MYO3B: variants seen among roughly 807,000 people sequenced by gnomAD.
MYO3B encodes the protein myosin-IIIb.
Under a neutral mutation model 174.6 loss-of-function variants are expected in MYO3B, and 156 were observed. That is an observed-to-expected ratio of 0.89 (90% confidence interval 0.78 to 1.02). The LOEUF is 1.02. MYO3B is among the 50% of genes least tolerant of loss of function. The pLI is 0.00. For missense variants in MYO3B, 1,632 were observed against 1,639.4 expected, an observed-to-expected ratio of 1.00 and a Z score of 0.08; for synonymous variants, 563 against 569.1, an observed-to-expected ratio of 0.99 and a Z score of 0.15.
chr2:170,441,053 G>A (rs2094797497), intron 22 of MYO3B, among the ~76,000 whole-genome samples: 1 of 152,090 alleles, frequency 6.6e-6, no homozygotes. Flanking sequence ...ACCCGCCTCG[G>A]CCTCCCAAAG....
At chr2:170,611,136 G>T (rs898307279) in intron 32 of MYO3B, among the ~76,000 whole-genome samples, 2 of 152,102 alleles carry the variant, frequency 1.3e-5, no homozygotes, top group African/African-American at 4.8e-5. Flanking sequence ...AACAAACCAT[G>T]TTCTGAGATG....
At chr2:170,343,030 A>AACACACACACAC (rs56221872) in intron 8 of MYO3B, among the ~76,000 whole-genome samples, 16 of 136,012 alleles carry the variant, frequency 1.2e-4, no homozygotes, top group East Asian at 4.3e-4. Context: ...TCGGGCCTCT[A>AACACACACACAC]ACACACACAC....
intron 10 of MYO3B, chr2:170,382,347 C>A: frequency 2.7e-6 from 1 of 366,630 alleles, no homozygotes; most frequent in East Asian, 3.8e-5. Flanking sequence ...TGCAATAAAG[C>A]TCTTTATATT....
chr2:170,635,907 G>C (rs1349650007), intron 32 of MYO3B, among the ~76,000 whole-genome samples: 2 of 152,060 alleles, frequency 1.3e-5, no homozygotes, highest in Non-Finnish European at 2.9e-5. Flanking sequence ...ACATTTCCTT[G>C]TACAAATTAC....
intron 10 of MYO3B, 82 bp from the exon 11 acceptor site, chr2:170,382,991 A>G: frequency 1.2e-6 from 1 of 854,390 alleles, no homozygotes; most frequent in Non-Finnish European, 1.9e-6. Flanking sequence ...TGTTCTTGGA[A>G]GAATAAATTT....
intron 8 of MYO3B, among the ~76,000 whole-genome samples, chr2:170,338,996 A>G (rs571826163): frequency 6.6e-6 from 1 of 152,344 alleles, no homozygotes; most frequent in East Asian, 1.9e-4. Flanking sequence ...AATGCTGTGC[A>G]TTATATTTAT....
chr2:170,601,882 T>C lies in MYO3B; in HGVS notation c.3734-49746T>C. The C allele has an allele frequency of 7.0e-6, 6 of 851,972 alleles. No individual in the cohort carries two copies. In the South Asian group the frequency reaches 7.9e-5, roughly 11 times the overall value. The allele number at this position is 851,972 out of a possible 1,614,324, so 52.8% of individuals were successfully genotyped here. A position where few individuals can be genotyped will look rare whatever the true frequency, so the allele number is the denominator to read the frequency against. ...ATCGCTAATAGGCAGGCCAGGATGC[T>C]CTCCTTTGATTTTTGGGCAATACTC... On this transcript the variant is annotated intron_variant, in intron 32 of 34. Coordinates refer to ENST00000408978, the MANE Select transcript of MYO3B (RefSeq NM_138995.5).
chr2:170,524,684 A>G (rs1688892739), intron 30 of MYO3B: 3 of 327,088 alleles, frequency 9.2e-6, no homozygotes, highest in South Asian at 2.3e-5. Context: ...GGGTTTTACC[A>G]TGTTGGTCAG....
At chr2:170,286,242 GCT>G (rs1449663432) in intron 7 of MYO3B, among the ~76,000 whole-genome samples, 1 of 152,144 alleles carries the variant, frequency 6.6e-6, no homozygotes, top group Non-Finnish European at 1.5e-5. Context: ...TTTCTCCGTT[GCT>G]CTGTTTTATC....
chr2:170,578,266 A>C (rs897164301), intron 32 of MYO3B, among the ~76,000 whole-genome samples: 5 of 152,232 alleles, frequency 3.3e-5, no homozygotes, highest in Non-Finnish European at 5.9e-5. Flanking sequence ...TGGAGACCTG[A>C]GGGACATTGT....
intron 7 of MYO3B, among the ~76,000 whole-genome samples, chr2:170,265,794 G>A (rs73010706): frequency 0.013 from 1,899 of 151,848 alleles, 33 homozygotes; most frequent in African/African-American, 0.042. Flanking sequence ...CTATTTCTTG[G>A]CTCATTCTAA....
intron 32 of MYO3B, among the ~76,000 whole-genome samples, chr2:170,580,496 G>A (rs899811396): frequency 6.6e-6 from 1 of 152,066 alleles, no homozygotes; most frequent in Non-Finnish European, 1.5e-5. Flanking sequence ...AAATCAGCTG[G>A]GTGTGGTGGC....
intron 32 of MYO3B, among the ~76,000 whole-genome samples, chr2:170,618,294 A>T (rs1256946146): frequency 1.3e-5 from 2 of 152,120 alleles, no homozygotes; most frequent in African/African-American, 4.8e-5. Flanking sequence ...TAGGCCCAAT[A>T]TGTATAGTTT....
intron 14 of MYO3B, among the ~76,000 whole-genome samples, chr2:170,391,006 A>C (rs928346201): frequency 1.1e-4 from 16 of 152,294 alleles, no homozygotes; most frequent in African/African-American, 3.8e-4. Flanking sequence ...GGTGGATGGC[A>C]GGAGACCAGA....
intron 3 of MYO3B, among the ~76,000 whole-genome samples, chr2:170,208,705 TTCTC>T (rs2092740402): frequency 1.3e-5 from 2 of 152,302 alleles, no homozygotes; most frequent in South Asian, 4.1e-4. Flanking sequence ...AAAACATAAT[TTCTC>T]TATCTCCAGT....
chr2:170,179,450 T>C (rs1387745412), intron 1 of MYO3B, among the ~76,000 whole-genome samples: 1 of 152,196 alleles, frequency 6.6e-6, no homozygotes, highest in African/African-American at 2.4e-5. Context: ...TAATTGCCAT[T>C]GTGAGAAGAA....
intron 7 of MYO3B, among the ~76,000 whole-genome samples, chr2:170,308,264 T>C (rs1283899023): frequency 6.6e-6 from 1 of 152,222 alleles, no homozygotes; most frequent in South Asian, 2.1e-4. Context: ...ATGTTGTAAT[T>C]GCTGTAGGCA....
intron 1 of MYO3B, among the ~76,000 whole-genome samples, chr2:170,180,637 A>C (rs557643144): frequency 5.9e-4 from 90 of 152,312 alleles, no homozygotes; most frequent in Middle Eastern, 6.8e-3. Flanking sequence ...ACTAGCAAAA[A>C]ACATGACTAA....
chr2:170,405,773 A>T, intron 21 of MYO3B, 140 bp downstream of exon 21: 3 of 738,764 alleles, frequency 4.1e-6, no homozygotes, highest in Non-Finnish European at 6.4e-6. Flanking sequence ...CATAATTCTT[A>T]AAGTTTCTCA....
Sources: gnomAD v4.1 joint callset for allele counts (sites outside exome capture counted in the v4.1 genomes callset) on GRCh38, gnomAD v4.1.1 for gene constraint, MANE v1.5 for transcripts, NCBI Gene and HGNC (gene_info 2026-07-23, HGNC 2026-07-21) for gene names.